The following GRIA2 variants were observed in gnomAD, a reference collection of about 807,000 sequenced individuals.
GRIA2 encodes the protein glutamate ionotropic receptor AMPA type subunit 2.
A neutral mutation model predicts 97.3 loss-of-function variants in GRIA2; 14 were observed. The observed-to-expected ratio is 0.14, with a 90% CI of 0.10 to 0.23. The LOEUF (loss-of-function observed/expected upper bound fraction) is 0.23. Among genes scored for constraint, GRIA2 ranks in the 10% least tolerant of loss-of-function variants. GRIA2 has a pLI of 1.00. For synonymous variants in GRIA2, 412 were observed against 387.8 expected (o/e 1.06, Z -0.73); for missense variants, 558 against 1,069.8 (o/e 0.52, Z 6.67).
At chr4:157,353,411 CTGTAAT>C (rs1736104734) in intron 12 of GRIA2, among the ~76,000 whole-genome samples, 1 of 151,864 alleles carries the variant, frequency 6.6e-6, no homozygotes, top group Non-Finnish European at 1.5e-5. Flanking sequence ...TGGCTCACGC[CTGTAAT>C]CCCAGCACTT....
At chr4:157,343,019 T>G (rs1735612703) in intron 12 of GRIA2, among the ~76,000 whole-genome samples, 1 of 152,032 alleles carries the variant, frequency 6.6e-6, no homozygotes, top group South Asian at 2.1e-4. Flanking sequence ...ATATGGCCAG[T>G]GTATTCACAT....
chr4:157,349,330 C>T (rs529406893), intron 12 of GRIA2, among the ~76,000 whole-genome samples: 15 of 152,084 alleles, frequency 9.9e-5, no homozygotes, highest in South Asian at 2.1e-4. Flanking sequence ...TTACTTCCTG[C>T]GTTCCAGGGT....
In GRIA2 at chr4:157,297,375, G is replaced by A. The variant is rs191666604; in HGVS notation, c.230-6177G>A. Among the ~76,000 whole-genome samples, 66 of 152,186 alleles carry A rather than the reference G, an allele frequency of 4.3e-4. No homozygotes were observed. In the East Asian group the frequency reaches 0.011, roughly 26 times the overall value. On this transcript the variant is annotated intron_variant, in intron 2 of 15. Transcript: ENST00000264426. Reference sequence around the variant, plus strand: ...AAAGGAAAATATGAGCAAAATCCTGGTGCATGATTAATAAATAGTTAATAT... The same window carrying A: ...AAAGGAAAATATGAGCAAAATCCTGATGCATGATTAATAAATAGTTAATAT...
At chr4:157,280,637 A>T (rs1732551596) in intron 2 of GRIA2, among the ~76,000 whole-genome samples, 1 of 151,928 alleles carries the variant, frequency 6.6e-6, no homozygotes, top group Admixed American at 6.6e-5. Flanking sequence ...GTGTGCGTGC[A>T]TGTATACGTG....
chr4:157,249,914 A>C (rs967094913), intron 2 of GRIA2: 1 of 152,154 alleles, frequency 6.6e-6, no homozygotes, highest in Non-Finnish European at 1.5e-5. Context: ...TGAGTCTTGC[A>C]ATCAAACGAT....
intron 6 of GRIA2, among the ~76,000 whole-genome samples, chr4:157,328,718 A>G (rs569889755): frequency 6.6e-6 from 1 of 152,014 alleles, no homozygotes; most frequent in African/African-American, 2.4e-5. Flanking sequence ...AAGTTCCTGA[A>G]TATAAAATTC....
chr4:157,337,395 T>A (rs1735334415), intron 11 of GRIA2, among the ~76,000 whole-genome samples: 1 of 152,038 alleles, frequency 6.6e-6, no homozygotes, highest in South Asian at 2.1e-4. Flanking sequence ...TATGATATGT[T>A]AAATCCCTGC....
chr4:157,354,852 G>A (rs1736176978), intron 12 of GRIA2, among the ~76,000 whole-genome samples: 3 of 152,218 alleles, frequency 2.0e-5, no homozygotes, highest in South Asian at 2.1e-4. Context: ...GGGCAGTGGC[G>A]CAACATGCTA....
chr4:157,338,041 TATATATATACAC>T (rs1328320537), intron 11 of GRIA2, among the ~76,000 whole-genome samples: 1 of 20,444 alleles, frequency 4.9e-5, no homozygotes, highest in Non-Finnish European at 1.1e-4. Context: ...TATATATATA[TATATATATACAC>T]ACACATTTTT....
At chr4:157,238,278 C>A (rs183704435) in intron 2 of GRIA2, among the ~76,000 whole-genome samples, 1 of 152,022 alleles carries the variant, frequency 6.6e-6, no homozygotes, top group African/African-American at 2.4e-5. Flanking sequence ...TTTTGGCCAA[C>A]CGTCAGGGAA....
chr4:157,239,182 G>C (rs923409882), intron 2 of GRIA2, among the ~76,000 whole-genome samples: 3 of 152,042 alleles, frequency 2.0e-5, no homozygotes, highest in African/African-American at 7.2e-5. Context: ...CAACTTCAAG[G>C]GGTTGGAGAC....
At chr4:157,292,274 T>C (rs1382363621) in intron 2 of GRIA2, among the ~76,000 whole-genome samples, 1 of 152,072 alleles carries the variant, frequency 6.6e-6, no homozygotes, top group Non-Finnish European at 1.5e-5. Context: ...TAGCATAAGA[T>C]AAATGTGACA....
chr4:157,317,192 T>C (rs1734362081), intron 4 of GRIA2, among the ~76,000 whole-genome samples: 1 of 152,226 alleles, frequency 6.6e-6, no homozygotes. Context: ...GAAATGTATG[T>C]AGTACTATAA....
At chr4:157,292,564 A>G (rs1733153115) in intron 2 of GRIA2, among the ~76,000 whole-genome samples, 1 of 152,066 alleles carries the variant, frequency 6.6e-6, no homozygotes, top group Admixed American at 6.6e-5. Context: ...GAAAAAGGTA[A>G]GAGAAAAAGG....
chr4:157,318,916 A>C (rs928122245), intron 5 of GRIA2, among the ~76,000 whole-genome samples: 3 of 152,188 alleles, frequency 2.0e-5, no homozygotes, highest in Admixed American at 1.3e-4. Flanking sequence ...TCTAGTGGTG[A>C]CAGAAAGAGA....
intron 2 of GRIA2, among the ~76,000 whole-genome samples, chr4:157,287,501 A>G (rs1022122918): frequency 6.6e-6 from 1 of 151,520 alleles, no homozygotes; most frequent in Non-Finnish European, 1.5e-5. Flanking sequence ...GTTGGAGGGT[A>G]TGTTTTGGTT....
At chr4:157,297,703 C>T (rs1409201648) in intron 2 of GRIA2, among the ~76,000 whole-genome samples, 2 of 152,060 alleles carry the variant, frequency 1.3e-5, no homozygotes, top group East Asian at 3.9e-4. Context: ...ATAATAATCT[C>T]TCTGTGATAT....
intron 2 of GRIA2, among the ~76,000 whole-genome samples, chr4:157,229,096 A>AT (rs1729886287): frequency 6.6e-6 from 1 of 152,236 alleles, no homozygotes; most frequent in African/African-American, 2.4e-5. Context: ...TCACAAAAGT[A>AT]TTATTTTTAC....
intron 2 of GRIA2, among the ~76,000 whole-genome samples, chr4:157,260,893 C>A (rs1311011004): frequency 3.3e-5 from 5 of 151,926 alleles, no homozygotes; most frequent in African/African-American, 1.2e-4. Flanking sequence ...CATTCCTGCT[C>A]CTTTTCTTCT....
Sources: allele counts gnomAD v4.1 joint callset (sites outside exome capture counted in the v4.1 genomes callset), GRCh38; gene constraint gnomAD v4.1.1; transcripts MANE v1.5; gene names NCBI Gene and HGNC (gene_info 2026-07-23, HGNC 2026-07-21).